Variants in GABRB2 observed in about 807,000 individuals in gnomAD.
The protein encoded by GABRB2 is gamma-aminobutyric acid receptor subunit beta-2.
Under a neutral mutation model 54.7 loss-of-function variants are expected in GABRB2, and 16 were observed. The observed-to-expected ratio is 0.29, with a 90% CI of 0.20 to 0.44. GABRB2 has a LOEUF of 0.44. Among genes scored for constraint, GABRB2 ranks in the 20% least tolerant of loss-of-function variants. The pLI is 1.00. For missense variants in GABRB2, 355 were observed against 644.0 expected (o/e 0.55, Z 4.86); for synonymous variants, 244 against 233.8 (o/e 1.04, Z -0.40).
chr5:161,474,055 G>T, intron 3 of GABRB2, among the ~76,000 whole-genome samples: 1 of 152,004 alleles, frequency 6.6e-6, no homozygotes, highest in East Asian at 1.9e-4. Flanking sequence ...GCCATGCAAA[G>T]CTATGAAGAA....
intron 3 of GABRB2, among the ~76,000 whole-genome samples, chr5:161,474,246 G>A (rs1758530286): frequency 6.6e-6 from 1 of 151,950 alleles, no homozygotes. Flanking sequence ...AAGATCATCA[G>A]CAATTCTTTC....
At chr5:161,349,310 A>C (rs541245332) in intron 5 of GABRB2, among the ~76,000 whole-genome samples, 1 of 152,154 alleles carries the variant, frequency 6.6e-6, no homozygotes, top group South Asian at 2.1e-4. Context: ...GATTATTAAG[A>C]TATTGAAAAT....
chr5:161,545,433 T>A (rs1760950319), intron 2 of GABRB2, 139 bp from the exon 3 acceptor site: 2 of 415,110 alleles, frequency 4.8e-6, no homozygotes, highest in Non-Finnish European at 8.0e-6. Flanking sequence ...TCTGCTTTTT[T>A]TGTTAAAAAA....
At chr5:161,314,783 C>G (rs921797768) in intron 9 of GABRB2, among the ~76,000 whole-genome samples, 1 of 151,856 alleles carries the variant, frequency 6.6e-6, no homozygotes, top group Non-Finnish European at 1.5e-5. Flanking sequence ...ATAATCTTTC[C>G]AGAATTTTCC....
chr5:161,451,744 C>T (rs1757794206), intron 4 of GABRB2, among the ~76,000 whole-genome samples: 1 of 152,014 alleles, frequency 6.6e-6, no homozygotes, highest in African/African-American at 2.4e-5. Context: ...GCTTACTATA[C>T]ATTCATTGTT....
chr5:161,424,897 C>A (rs1490171987), intron 4 of GABRB2, among the ~76,000 whole-genome samples: 1 of 152,054 alleles, frequency 6.6e-6, no homozygotes, highest in Non-Finnish European at 1.5e-5. Flanking sequence ...AAAATACCAA[C>A]ATTAATAAGA....
intron 5 of GABRB2, among the ~76,000 whole-genome samples, chr5:161,381,181 G>A (rs1755455198): frequency 6.6e-6 from 1 of 152,096 alleles, no homozygotes; most frequent in Non-Finnish European, 1.5e-5. Context: ...GTGACCATGG[G>A]TAAGTCACTT....
intron 5 of GABRB2, among the ~76,000 whole-genome samples, chr5:161,350,981 G>A (rs774128399): frequency 2.0e-5 from 3 of 151,914 alleles, no homozygotes; most frequent in South Asian, 2.1e-4. Flanking sequence ...TCTTGCAGAC[G>A]GCCTACTGTG....
At chr5:161,536,816 T>C (rs1395966018) in intron 3 of GABRB2, among the ~76,000 whole-genome samples, 1 of 152,126 alleles carries the variant, frequency 6.6e-6, no homozygotes, top group African/African-American at 2.4e-5. Flanking sequence ...CAGGCTGGTC[T>C]TGAACTCCTG....
At chr5:161,452,674 A>G (rs1269451219) in intron 4 of GABRB2, among the ~76,000 whole-genome samples, 1 of 152,140 alleles carries the variant, frequency 6.6e-6, no homozygotes, top group Non-Finnish European at 1.5e-5. Context: ...ACCTGCACTT[A>G]TACCTCCTGA....
chr5:161,343,172 G>T (rs980552223), intron 5 of GABRB2, among the ~76,000 whole-genome samples: 1 of 152,004 alleles, frequency 6.6e-6, no homozygotes, highest in African/African-American at 2.4e-5. Context: ...CTCCTTAATT[G>T]CATCTTATTC....
chr5:161,470,288 C>T (rs1001057289), intron 3 of GABRB2, among the ~76,000 whole-genome samples: 20 of 151,868 alleles, frequency 1.3e-4, no homozygotes, highest in African/African-American at 4.8e-4. Flanking sequence ...TACACAATAG[C>T]CCCCACTTTA....
At chr5:161,350,629 G>C (rs572264138) in intron 5 of GABRB2, among the ~76,000 whole-genome samples, 26 of 152,144 alleles carry the variant, frequency 1.7e-4, no homozygotes, top group African/African-American at 6.3e-4. Flanking sequence ...TGTCTGTGAG[G>C]GCGTTGCCAA....
Position 161,402,920 on chromosome 5 carries a change from A to T in GABRB2, c.541+8055T>A, listed in dbSNP as rs370342539. Among the ~76,000 whole-genome samples, 59 of 152,294 alleles carry T rather than the reference A, an allele frequency of 3.9e-4. No homozygotes were observed. The South Asian group carries it at 0.012, about 31-fold the overall frequency. The stretch of plus-strand genomic sequence containing the variant: ...GAAGAACTTCTAAAATTGCTAATTT[A>T]AGAGGCCTGTGGTGTGGCCTGATCA... On this transcript the variant is annotated intron_variant, in intron 5 of 9. Coordinates refer to ENST00000393959, the MANE Select transcript of GABRB2 (RefSeq NM_001371727.1).
At chr5:161,530,228 C>T (rs1051439963) in intron 3 of GABRB2, among the ~76,000 whole-genome samples, 1 of 152,046 alleles carries the variant, frequency 6.6e-6, no homozygotes, top group Non-Finnish European at 1.5e-5. Context: ...GTATTTTGTC[C>T]AAATCTGGGA....
chr5:161,335,785 G>T (rs1036289381), intron 6 of GABRB2, among the ~76,000 whole-genome samples: 1 of 152,096 alleles, frequency 6.6e-6, no homozygotes, highest in South Asian at 2.1e-4. Flanking sequence ...GTTTCTGTTT[G>T]TCGTTGTTGT....
chr5:161,530,523 G>T (rs981022134), intron 3 of GABRB2, among the ~76,000 whole-genome samples: 10 of 152,132 alleles, frequency 6.6e-5, no homozygotes, highest in African/African-American at 2.4e-4. Context: ...GGATATATTT[G>T]CCAGGAAATC....
At chr5:161,522,050 G>T (rs1451833927) in intron 3 of GABRB2, among the ~76,000 whole-genome samples, 5 of 151,818 alleles carry the variant, frequency 3.3e-5, no homozygotes, top group African/African-American at 7.2e-5. Context: ...AAGTTATAAA[G>T]TTAGTAGGAC....
intron 3 of GABRB2, among the ~76,000 whole-genome samples, chr5:161,525,103 G>A (rs544255794): frequency 6.0e-5 from 9 of 151,208 alleles, no homozygotes; most frequent in Admixed American, 5.9e-4. Context: ...CTCTCTTCTA[G>A]CTACTCAATT....
Sources: allele counts gnomAD v4.1 joint callset (sites outside exome capture counted in the v4.1 genomes callset), GRCh38; gene constraint gnomAD v4.1.1; transcripts MANE v1.5; gene names NCBI Gene and HGNC (gene_info 2026-07-23, HGNC 2026-07-21).